The following SAMD9 variants were observed in gnomAD, a reference collection of about 807,000 sequenced individuals.
The protein encoded by SAMD9 is sterile alpha motif domain containing 9, also known as sterile alpha motif domain-containing protein 9.
A neutral mutation model predicts 1.5 loss-of-function variants in SAMD9; 3 were observed. The ratio of observed to expected loss-of-function variants is 2.05; its 90% confidence interval spans 0.93 to 5.29. The LOEUF is 5.29. SAMD9 is among the 30% of genes most tolerant of loss of function. The pLI is 0.02. For missense variants in SAMD9, 1,597 were observed against 1,820.8 expected (o/e 0.88, Z 2.24); for synonymous variants, 635 against 631.9 (o/e 1.00, Z -0.07).
In SAMD9 at chr7:93,104,542, G is replaced by GAAGAAGA. The variant is rs770082468; in HGVS notation, c.1555_1556insTCTTCTT (p.Ser519PhefsTer4). On this transcript the variant is annotated frameshift_variant, in exon 3 of 3. Transcript: ENST00000379958. LOFTEE classifies it low-confidence loss of function (END_TRUNC). ...AAATGAAATCAGTTTCCTGACATCA[G>GAAGAAGA]AAGCTCTTTCTCTTTGCCAGGAACT... 7 of 1,614,008 alleles carry GAAGAAGA rather than the reference G, an allele frequency of 4.3e-6. No individual in the cohort carries two copies. The South Asian group carries it at 7.7e-5, about 18-fold the overall frequency.
At position 93,101,660 on chromosome 7, in the gene SAMD9, A is replaced by G. The variant is rs773543514; in HGVS notation, c.4438T>C (p.Tyr1480His). ...CTTTTACCTTTTCCAAGAAAGAAAT[A>G]TGCAATTGGTTGCTTTGTACGATGC... ...HMHRTKQPIA[Y>H]FFLGKGKRLE... Residue 1480 changes from tyrosine (Y) to histidine (H), a missense_variant, in exon 3 of 3, where the codon TAT (tyrosine) becomes CAT (histidine). Physicochemically the swap from Tyr to His is moderately conservative, Grantham distance 83. This residue lies in a region of SAMD9 where 682 missense variants were observed against 810.0 expected (regional missense o/e 0.84). Coordinates refer to ENST00000379958, the MANE Select transcript of SAMD9 (RefSeq NM_017654.4). 1.2e-5 allele frequency: 20 copies of G among 1,613,730 alleles called. No homozygotes were observed. The highest frequency in any genetic ancestry group is 1.6e-4 in the Middle Eastern group (1 of 6,084).
rs1426688066 is a variant in SAMD9 at position 93,100,607 on chromosome 7, C to G, written c.*721G>C. Reference sequence around the variant, plus strand: ...TGGATGAGGGACTCATTAGTCTTCTCACAAGAGTCCCTTTTGTTCATTAGC... The same window carrying G: ...TGGATGAGGGACTCATTAGTCTTCTGACAAGAGTCCCTTTTGTTCATTAGC... On this transcript the variant is annotated 3_prime_UTR_variant, in exon 3 of 3. Coordinates refer to ENST00000379958, the MANE Select transcript of SAMD9 (RefSeq NM_017654.4). The G allele has an allele frequency of 2.0e-5, 3 of 151,924 alleles. No individual in the cohort carries two copies. In the East Asian group the frequency reaches 5.8e-4, roughly 29 times the overall value. The allele number at this position is 151,924 out of a possible 1,614,324, so 9.4% of individuals were successfully genotyped here. A position where few individuals can be genotyped will look rare whatever the true frequency, so the allele number is the denominator to read the frequency against.
At chr7:93,117,211 T>C (rs375395260) in intron 1 of SAMD9, among the ~76,000 whole-genome samples, 11 of 152,346 alleles carry the variant, frequency 7.2e-5, no homozygotes, top group African/African-American at 2.4e-4. Context: ...TTGATTAAAG[T>C]AAAGTACTTT....
In SAMD9 at chr7:93,100,592, A is replaced by T. The variant is rs1285931507; in HGVS notation, c.*736T>A. 2 of 151,390 alleles carry T rather than the reference A, an allele frequency of 1.3e-5. No homozygotes were observed. The highest frequency in any genetic ancestry group is 6.6e-5 in the Admixed American group (1 of 15,212). 9.4% of individuals were successfully genotyped at this position (151,390 alleles called of 1,614,324 possible). On this transcript the variant is annotated 3_prime_UTR_variant, in exon 3 of 3. Coordinates refer to ENST00000379958, the MANE Select transcript of SAMD9 (RefSeq NM_017654.4). ...TACATTGGCATCTTCTGGATGAGGG[A>T]CTCATTAGTCTTCTCACAAGAGTCC... is the stretch of plus-strand genomic sequence containing the variant.
chr7:93,105,288 C>T lies in SAMD9; in HGVS notation c.810G>A (p.Lys270=). The change falls in exon 3 of 3, where the codon AAG becomes AAA. Residue 270 remains lysine, a synonymous_variant. Coordinates refer to ENST00000379958, the MANE Select transcript of SAMD9 (RefSeq NM_017654.4). ...GTTGGACTTGATGGTCTTCAAAATA[C>T]TTGTTTATCATCAGATTGAAATGGT... ...LINHFNLMIN[K]YFEDHQVQQA... 6.2e-7 allele frequency: 1 copy of T among 1,613,922 alleles called. No homozygotes were observed. The highest frequency in any genetic ancestry group is 8.5e-7 in the Non-Finnish European group (1 of 1,179,962).
intron 2 of SAMD9, among the ~76,000 whole-genome samples, chr7:93,110,409 A>G (rs1341435854): frequency 1.3e-5 from 2 of 152,222 alleles, no homozygotes; most frequent in African/African-American, 2.4e-5. Context: ...ATAACGAGCA[A>G]AAGAACCAGC....
intron 2 of SAMD9, among the ~76,000 whole-genome samples, chr7:93,109,959 C>T (rs1487224403): frequency 1.3e-5 from 2 of 152,216 alleles, no homozygotes; most frequent in Middle Eastern, 6.8e-3. Flanking sequence ...ACAGAGAATG[C>T]CACAAAGATA....
chr7:93,102,418 T>C lies in SAMD9; in HGVS notation c.3680A>G (p.Tyr1227Cys). 1.2e-6 allele frequency: 2 copies of C among 1,612,936 alleles called. No individual in the cohort carries two copies. The highest frequency in any genetic ancestry group is 1.7e-4 in the Middle Eastern group (1 of 6,054). Residue 1227 changes from tyrosine to cysteine, a missense_variant, in exon 3 of 3, where the codon TAT (tyrosine) becomes TGT (cysteine). By Grantham distance (194) the Tyr-to-Cys change is radical. This residue lies in a region of SAMD9 where 682 missense variants were observed against 810.0 expected (regional missense o/e 0.84). Coordinates refer to ENST00000379958, the MANE Select transcript of SAMD9 (RefSeq NM_017654.4). ...FDNKNELSKRYMVNFVSGSSD... is the reference protein window; with the variant it reads ...FDNKNELSKRCMVNFVSGSSD... ...ACTTCCTGATACAAAATTGACCATA[T>C]ATCTTTTAGATAGCTCATTTTTATT...
chr7:93,102,439 T>G lies in SAMD9; in HGVS notation c.3659A>C (p.Lys1220Thr), dbSNP rs1217426475. The G allele has an allele frequency of 1.2e-6, 2 of 1,613,502 alleles. No homozygotes were observed. The highest frequency in any genetic ancestry group is 2.2e-5 in the East Asian group (1 of 44,864). The change falls in exon 3 of 3, where the codon AAA (lysine) becomes ACA (threonine). Residue 1220 changes from lysine (K) to threonine (T), a missense_variant. Physicochemically the swap from Lys to Thr is moderately conservative, Grantham distance 78 (BLOSUM62 -1). This residue lies in a region of SAMD9 where 682 missense variants were observed against 810.0 expected (regional missense o/e 0.84). Transcript: ENST00000379958. ...CATATATCTTTTAGATAGCTCATTT[T>G]TATTATCAAAAAAAGGAATGAGCTG... ...ILQLIPFFDN[K>T]NELSKRYMVN... is the part of the protein sequence containing the mutation.
rs755666547 is a variant in SAMD9 at position 93,101,761 on chromosome 7, AGTT to A, written c.4334_4336del (p.Gln1445del). ...TTTCATTTGTTCAGAATGTTGATCTAGTTGTTGATTTTCTGGCCAGAATAAGAG... is the reference window on the plus strand; with the variant it reads ...TTTCATTTGTTCAGAATGTTGATCTAGTTGATTTTCTGGCCAGAATAAGAG... On this transcript the variant is annotated inframe_deletion, in exon 3 of 3. Coordinates refer to ENST00000379958, the MANE Select transcript of SAMD9 (RefSeq NM_017654.4). 2.5e-5 allele frequency: 40 copies of A among 1,613,670 alleles called. No individual in the cohort carries two copies. The highest frequency in any genetic ancestry group is 3.3e-5 in the Non-Finnish European group (39 of 1,179,774).
rs760811288 is a variant in SAMD9 at position 93,108,136 on chromosome 7, CGCCGTGCCTT to C, written c.-8-2041_-8-2032del. ...TAAAAATGGAAGAATGGGTGTGGCC[CGCCGTGCCTT>C]GCCGTGCCTCGCCATGCGCCTGTGT... On this transcript the variant is annotated intron_variant, in intron 2 of 2. Transcript: ENST00000379958. Among the ~76,000 whole-genome samples the C allele has an allele frequency of 3.1e-3, 466 of 152,154 alleles. 6 individuals carry two copies. Among genetic ancestry groups the C allele is most frequent in the Non-Finnish European group, 9.0e-4 (61 of 68,002 alleles).
At chr7:93,116,057 G>C (rs12333722) in intron 1 of SAMD9, among the ~76,000 whole-genome samples, 73,330 of 152,038 alleles carry the variant, frequency 0.48, 22,087 homozygotes, top group African/African-American at 0.85. Flanking sequence ...CCCGATTATT[G>C]TGCTGCTAGC....
At chr7:93,111,519 G>A (rs528318164) in intron 2 of SAMD9, among the ~76,000 whole-genome samples, 115 of 152,286 alleles carry the variant, frequency 7.6e-4, no homozygotes, top group African/African-American at 2.7e-3. Flanking sequence ...GAATCCAGGA[G>A]CTGGTTTTTT....
intron 2 of SAMD9, among the ~76,000 whole-genome samples, chr7:93,111,205 T>C (rs1312167035): frequency 2.0e-5 from 3 of 152,156 alleles, no homozygotes; most frequent in Non-Finnish European, 2.9e-5. Context: ...CCTGAATGAC[T>C]ACTGGGTACA....
rs1791610687 is a variant in SAMD9, at chr7:93,105,101, A to G, written c.997T>C (p.Trp333Arg). ...IKMQNYNNKI[W>R]EQSKKFSLFV... is the part of the protein sequence containing the mutation. ...AGTGAGAATTTTTTACTTTGTTCCC[A>G]TATTTTGTTGTTGTAATTTTGCATT... The change falls in exon 3 of 3, where the codon TGG becomes CGG. Residue 333 changes from tryptophan to arginine, a missense_variant. By Grantham distance (101) the Trp-to-Arg change is moderately radical. Coordinates refer to ENST00000379958, the MANE Select transcript of SAMD9 (RefSeq NM_017654.4). 2 of 1,613,764 alleles carry G rather than the reference A, an allele frequency of 1.2e-6. No homozygotes were observed. Among genetic ancestry groups the G allele is most frequent in the Middle Eastern group, 1.7e-4 (1 of 6,056 alleles).
chr7:93,102,891 A>G lies in SAMD9; in HGVS notation c.3207T>C (p.Ala1069=). 1 of 1,613,884 alleles carries G rather than the reference A, an allele frequency of 6.2e-7. No individual in the cohort carries two copies. The highest frequency in any genetic ancestry group is 8.5e-7 in the Non-Finnish European group (1 of 1,179,830). ...HKDEGNEAVE[A]VLLESIHRFN... is the part of the protein sequence containing the mutation. ...ACCGATGGATACTTTCAAGCAATAC[A>G]GCTTCAACTGCTTCATTTCCTTCAT... Residue 1069 remains alanine (A), a synonymous_variant, in exon 3 of 3, where the codon GCT becomes GCC. Coordinates refer to ENST00000379958, the MANE Select transcript of SAMD9 (RefSeq NM_017654.4).
rs1225316353 is a variant in SAMD9 at position 93,103,370 on chromosome 7, T to C, written c.2728A>G (p.Ile910Val). Residue 910 changes from isoleucine (I) to valine (V), a missense_variant, in exon 3 of 3, where the codon ATT (isoleucine) becomes GTT (valine). This residue lies in a region of SAMD9 where 682 missense variants were observed against 810.0 expected (regional missense o/e 0.84). Transcript: ENST00000379958. ...VVRNILKGQN[I>V]FTKEAKLFSF... ...AAGAGCTTTGCTTCCTTGGTGAAAA[T>C]ATTCTGCCCTTTCAGGATATTCCGG... 2 of 1,613,422 alleles carry C rather than the reference T, an allele frequency of 1.2e-6. No individual in the cohort carries two copies. The highest frequency in any genetic ancestry group is 1.7e-6 in the Non-Finnish European group (2 of 1,179,600).
chr7:93,111,223 A>T (rs1791737111), intron 2 of SAMD9, among the ~76,000 whole-genome samples: 1 of 152,214 alleles, frequency 6.6e-6, no homozygotes, highest in Non-Finnish European at 1.5e-5. Flanking sequence ...ACATAACGAA[A>T]TGAAGGCAGA....
chr7:93,113,928 A>G (rs1018507758), intron 2 of SAMD9, among the ~76,000 whole-genome samples: 5 of 152,166 alleles, frequency 3.3e-5, no homozygotes, highest in African/African-American at 9.7e-5. Flanking sequence ...ATACCATTTG[A>G]CCCAGCCATC....
Sources: allele counts gnomAD v4.1 joint callset (sites outside exome capture counted in the v4.1 genomes callset), GRCh38; gene constraint gnomAD v4.1.1; regional missense constraint gnomAD v4.1.1; transcripts MANE v1.5; gene names NCBI Gene and HGNC (gene_info 2026-07-23, HGNC 2026-07-21).